The following ENAH variants were observed in gnomAD, a reference collection of about 807,000 sequenced individuals.
ENAH encodes protein enabled homolog.
A neutral mutation model predicts 78.7 loss-of-function variants in ENAH; 23 were observed. The observed-to-expected ratio is 0.29, with a 90% CI of 0.21 to 0.41. The LOEUF (loss-of-function observed/expected upper bound fraction) is 0.41, where lower values mean the gene tolerates loss of function less well. ENAH is among the 10% of genes least tolerant of loss of function. The probability of loss-of-function intolerance (pLI) is 1.00; values close to 1 mark genes in which losing one functional copy is unlikely to be tolerated. For missense variants in ENAH, 544 were observed against 691.0 expected (o/e 0.79, Z 2.39); for synonymous variants, 226 against 241.0 (o/e 0.94, Z 0.58).
At position 225,514,842 on chromosome 1, in the gene ENAH, T is replaced by C. The variant is rs769408001; in HGVS notation, c.972A>G (p.Ala324=). ...PPPPPLPPGP[A]QASVALPPPP... ...GAGGAGGGAGGGCTACTGAAGCCTG[T>C]GCAGGCCCTGGTGGGAGTGGTGGAG... Residue 324 remains alanine, a synonymous_variant, in exon 7 of 14, where the codon GCA becomes GCG. Transcript: ENST00000366843. The C allele has an allele frequency of 9.4e-6, 15 of 1,599,180 alleles. No homozygotes were observed. The Admixed American group carries it at 2.3e-4, about 25-fold the overall frequency.
intron 1 of ENAH, among the ~76,000 whole-genome samples, chr1:225,578,426 T>C (rs967327044): frequency 3.3e-5 from 5 of 152,166 alleles, no homozygotes; most frequent in African/African-American, 7.2e-5. Context: ...AGTGAGCTAT[T>C]ACTGAGCCAC....
intron 1 of ENAH, among the ~76,000 whole-genome samples, chr1:225,586,141 AG>A (rs1387617902): frequency 2.0e-5 from 3 of 151,322 alleles, no homozygotes; most frequent in African/African-American, 7.3e-5. Context: ...AGCTGAGCCA[AG>A]GAACTCAAGG....
rs746104309 is a variant in ENAH, at chr1:225,596,696, T to C, written c.6-29282A>G. ...TGCTCTAAATCCATTGTAATGTTTC[T>C]ATGAAGTTTTATTTATTCTAGAAAT... On this transcript the variant is annotated intron_variant, in intron 1 of 13. Transcript: ENST00000366843. 7.9e-5 allele frequency among the ~76,000 whole-genome samples: 12 copies of C among 152,250 alleles called. 1 individual carries two copies. In the South Asian group the frequency reaches 1.0e-3, roughly 13 times the overall value.
chr1:225,505,060 A>G, intron 11 of ENAH: 1 of 1,606,552 alleles, frequency 6.2e-7, no homozygotes, highest in Non-Finnish European at 8.5e-7. Context: ...CCGTCTATGA[A>G]GGGGAAAACC....
intron 3 of ENAH, among the ~76,000 whole-genome samples, chr1:225,543,686 T>C (rs1040290553): frequency 2.0e-5 from 3 of 152,356 alleles, no homozygotes; most frequent in East Asian, 1.9e-4. Flanking sequence ...TCTCATCTCA[T>C]GTAACATAGT....
chr1:225,606,147 C>T (rs946154868), intron 1 of ENAH, among the ~76,000 whole-genome samples: 1 of 152,056 alleles, frequency 6.6e-6, no homozygotes, highest in Non-Finnish European at 1.5e-5. Context: ...AAAAAATACA[C>T]CTGAATGTGA....
intron 1 of ENAH, among the ~76,000 whole-genome samples, chr1:225,567,698 C>G (rs956337323): frequency 6.6e-6 from 1 of 152,180 alleles, no homozygotes; most frequent in Non-Finnish European, 1.5e-5. Context: ...ATTTGAGTAT[C>G]TAATTCATTC....
At chr1:225,499,856 T>C (rs186161375) in intron 12 of ENAH, among the ~76,000 whole-genome samples, 1 of 152,350 alleles carries the variant, frequency 6.6e-6, no homozygotes, top group African/African-American at 2.4e-5. Context: ...AAAGTTTACC[T>C]TTTGAAAAGC....
intron 1 of ENAH, among the ~76,000 whole-genome samples, chr1:225,599,416 G>C (rs969643526): frequency 6.6e-6 from 1 of 152,152 alleles, no homozygotes; most frequent in Non-Finnish European, 1.5e-5. Flanking sequence ...ACTGTACTGT[G>C]ATTATGTAGG....
chr1:225,630,959 A>G (rs560675081), intron 1 of ENAH, among the ~76,000 whole-genome samples: 1 of 152,298 alleles, frequency 6.6e-6, no homozygotes, highest in South Asian at 2.1e-4. Flanking sequence ...CCCTTTGAAC[A>G]CTAGCATTTT....
intron 1 of ENAH, among the ~76,000 whole-genome samples, chr1:225,585,562 T>A (rs1351888377): frequency 6.6e-6 from 1 of 151,898 alleles, no homozygotes; most frequent in Non-Finnish European, 1.5e-5. Flanking sequence ...CCGAGGCAGG[T>A]GGATCACCTG....
intron 1 of ENAH, among the ~76,000 whole-genome samples, chr1:225,592,645 T>C (rs1387826212): frequency 6.6e-6 from 1 of 152,210 alleles, no homozygotes; most frequent in Non-Finnish European, 1.5e-5. Context: ...GGATTAAAAG[T>C]CAACTTGAAA....
At position 225,494,361 on chromosome 1, in the gene ENAH, T is replaced by C. The variant is rs1352923076; in HGVS notation, c.*3414A>G. The C allele has an allele frequency of 6.6e-6, 1 of 152,182 alleles. No individual in the cohort carries two copies. 9.4% of individuals were successfully genotyped at this position (152,182 alleles called of 1,614,324 possible). A position where few individuals can be genotyped will look rare whatever the true frequency, so the allele number is the denominator to read the frequency against. ...CAGCATCATGTATAAACACTATACATATTTTGCTATACTTAAAATTCATTA... is the reference window on the plus strand; with the variant it reads ...CAGCATCATGTATAAACACTATACACATTTTGCTATACTTAAAATTCATTA... On this transcript the variant is annotated 3_prime_UTR_variant, in exon 14 of 14. Coordinates refer to ENST00000366843, the MANE Select transcript of ENAH (RefSeq NM_018212.6).
intron 1 of ENAH, among the ~76,000 whole-genome samples, chr1:225,626,098 T>C (rs1451794834): frequency 6.6e-6 from 1 of 152,066 alleles, no homozygotes; most frequent in Non-Finnish European, 1.5e-5. Flanking sequence ...AGAAAAACCA[T>C]GAAGAAAGAC....
intron 9 of ENAH, 74 bp downstream of exon 9, chr1:225,512,583 T>A (rs183541492): frequency 1.4e-6 from 2 of 1,418,510 alleles, no homozygotes; most frequent in Non-Finnish European, 1.9e-6. Context: ...AAATAAATGC[T>A]GACACTATTT....
At chr1:225,563,690 T>C (rs2096720149) in intron 2 of ENAH, among the ~76,000 whole-genome samples, 1 of 152,224 alleles carries the variant, frequency 6.6e-6, no homozygotes, top group South Asian at 2.1e-4. Flanking sequence ...TAATATCTTA[T>C]TGAGGACTAT....
chr1:225,630,425 T>C (rs1658797952), intron 1 of ENAH, among the ~76,000 whole-genome samples: 1 of 152,166 alleles, frequency 6.6e-6, no homozygotes, highest in Admixed American at 6.5e-5. Context: ...CAAAAGTACT[T>C]CTCGTACATA....
intron 3 of ENAH, among the ~76,000 whole-genome samples, chr1:225,543,182 T>C (rs1317564973): frequency 6.6e-6 from 1 of 152,150 alleles, no homozygotes; most frequent in Admixed American, 6.6e-5. Context: ...TGGAGACACA[T>C]TTCCTAGGCA....
At chr1:225,601,391 G>C (rs900823339) in intron 1 of ENAH, among the ~76,000 whole-genome samples, 1 of 152,088 alleles carries the variant, frequency 6.6e-6, no homozygotes, top group East Asian at 1.9e-4. Context: ...GGTGGCGGAC[G>C]CATGTAGTCC....
Sources: allele counts gnomAD v4.1 joint callset (sites outside exome capture counted in the v4.1 genomes callset), GRCh38; gene constraint gnomAD v4.1.1; transcripts MANE v1.5; gene names NCBI Gene and HGNC (gene_info 2026-07-23, HGNC 2026-07-21).